ANK1: variants seen among roughly 807,000 people sequenced by gnomAD.
The protein encoded by ANK1 is ankyrin-1.
In ANK1, 51 loss-of-function variants were observed where a neutral mutation model predicts 210.4. The ratio of observed to expected loss-of-function variants is 0.24; its 90% CI spans 0.19 to 0.31. The LOEUF is 0.31. Ranked by LOEUF, ANK1 falls within the 10% of genes least tolerant of loss-of-function variation. The pLI is 1.00. For synonymous variants in ANK1, 967 were observed against 1,025.9 expected (o/e 0.94, Z 1.10); for missense variants, 2,051 against 2,504.4 (o/e 0.82, Z 3.86).
At position 41,699,479 on chromosome 8, in the gene ANK1, A is replaced by G; in HGVS notation, c.2531T>C (p.Leu844Pro). The part of the protein sequence containing the change: ...SRDVDEEKEL[L>P]DFVPKLDQVV... ...TTGGTCTAGCTTCGGCACAAAATCC[A>G]GCAGCTCCTTCTCTTCATCAACATC... The change falls in exon 23 of 43, where the codon CTG becomes CCG. Residue 844 changes from leucine (L) to proline (P), a missense_variant. Leu to Pro is a moderately conservative substitution (Grantham distance 98). This residue lies in a region of ANK1 where 1,413 missense variants were observed against 1,707.4 expected (regional missense o/e 0.83). Coordinates refer to ENST00000289734, the MANE Select transcript of ANK1 (RefSeq NM_000037.4). 6.2e-7 allele frequency: 1 copy of G among 1,614,158 alleles called. No individual in the cohort carries two copies. Among genetic ancestry groups the G allele is most frequent in the Non-Finnish European group, 8.5e-7 (1 of 1,180,040 alleles).
chr8:41,665,068 G>GC (rs1191729940), intron 39 of ANK1: 2 of 1,602,464 alleles, frequency 1.2e-6, no homozygotes, highest in African/African-American at 2.7e-5. Context: ...CAGGGCCCCG[G>GC]CCACCACGGG....
At position 41,717,652 on chromosome 8, in the gene ANK1, G is replaced by C. The variant is rs139550171; in HGVS notation, c.1257C>G (p.Ile419Met). 1 of 1,551,576 alleles carries C rather than the reference G, an allele frequency of 6.4e-7. No homozygotes were observed. Among genetic ancestry groups the C allele is most frequent in the East Asian group, 2.4e-5 (1 of 40,930 alleles). Residue 419 changes from isoleucine (I) to methionine (M), a missense_variant, in exon 12 of 43, where the codon ATC (isoleucine) becomes ATG (methionine). Coordinates refer to ENST00000289734, the MANE Select transcript of ANK1 (RefSeq NM_000037.4). ...CCCCCCGCTGCAGGAGGTTCTTCAC[G>C]ATGGGAAGGTGCCCCATGAAGGAGG... ...HVASFMGHLPIVKNLLQRGAS... is the reference protein window; with the variant it reads ...HVASFMGHLPMVKNLLQRGAS...
chr8:41,812,543 C>T (rs1802651727), intron 1 of ANK1, among the ~76,000 whole-genome samples: 1 of 152,210 alleles, frequency 6.6e-6, no homozygotes, highest in South Asian at 2.1e-4. Flanking sequence ...AAGATACTTT[C>T]ATTACTGTAG....
At chr8:41,721,656 C>CAAAAA (rs55653901) in intron 9 of ANK1, among the ~76,000 whole-genome samples, 6 of 108,122 alleles carry the variant, frequency 5.5e-5, no homozygotes, top group South Asian at 2.9e-4. Context: ...GACTTCATCT[C>CAAAAA]AAAAAAAAAA....
chr8:41,708,888 C>T lies in ANK1; in HGVS notation c.1888G>A (p.Ala630Thr), dbSNP rs760518133. Reference sequence around the variant, plus strand: ...GGCGTCACACCTTGCACCGACTCGGCGTTTGCTGAGCCCCCATACTGCAGC... The same window carrying T: ...GGCGTCACACCTTGCACCGACTCGGTGTTTGCTGAGCCCCCATACTGCAGC... Reference protein sequence around the residue: ...SLLQYGGSANAESVQGVTPLH... With the variant: ...SLLQYGGSANTESVQGVTPLH... Residue 630 changes from alanine (A) to threonine (T), a missense_variant, in exon 17 of 43, where the codon GCC becomes ACC. Coordinates refer to ENST00000289734, the MANE Select transcript of ANK1 (RefSeq NM_000037.4). The T allele has an allele frequency of 6.2e-5, 100 of 1,614,014 alleles. No individual in the cohort carries two copies. Among genetic ancestry groups the T allele is most frequent in the Non-Finnish European group, 7.9e-5 (93 of 1,180,050 alleles).
At chr8:41,710,313 G>C (rs888152051) in intron 16 of ANK1, among the ~76,000 whole-genome samples, 2 of 152,132 alleles carry the variant, frequency 1.3e-5, no homozygotes, top group Non-Finnish European at 2.9e-5. Flanking sequence ...TGGAGAAAGA[G>C]GCCAATTCTC....
intron 3 of ANK1, among the ~76,000 whole-genome samples, chr8:41,731,899 A>G (rs1266470027): frequency 6.6e-6 from 1 of 152,272 alleles, no homozygotes; most frequent in African/African-American, 2.4e-5. Context: ...CACAGCTCAC[A>G]GCCAGGTACG....
chr8:41,730,204 C>G (rs955897916), intron 3 of ANK1, among the ~76,000 whole-genome samples: 3 of 152,274 alleles, frequency 2.0e-5, no homozygotes, highest in African/African-American at 7.2e-5. Flanking sequence ...GCCCCCCAGC[C>G]GCTGCTGACC....
rs1184836721 is a variant in ANK1 at position 41,707,339 on chromosome 8, G to GGA, written c.1999-1100_1999-1099dup. On this transcript the variant is annotated intron_variant, in intron 17 of 42. Transcript: ENST00000289734. ...TGCCTCAATACACTTTGCTAGCGTG[G>GGA]GACCAACAAAACGGATTTCTCTGCA... 6.6e-5 allele frequency among the ~76,000 whole-genome samples: 10 copies of GGA among 152,228 alleles called. No homozygotes were observed. In the East Asian group the frequency reaches 1.9e-3, roughly 29 times the overall value.
chr8:41,827,616 C>T (rs1004336043), intron 1 of ANK1, among the ~76,000 whole-genome samples: 4 of 152,052 alleles, frequency 2.6e-5, no homozygotes, highest in Admixed American at 2.0e-4. Context: ...TTTACAAAGG[C>T]TATTTCTTCA....
intron 18 of ANK1, among the ~76,000 whole-genome samples, chr8:41,705,303 C>T (rs931581015): frequency 2.0e-5 from 3 of 152,222 alleles, no homozygotes; most frequent in Non-Finnish European, 2.9e-5. Flanking sequence ...TTCTAACCCA[C>T]AGGACAGGGT....
At chr8:41,860,756 A>G (rs2150817987) in intron 1 of ANK1, among the ~76,000 whole-genome samples, 1 of 152,362 alleles carries the variant, frequency 6.6e-6, no homozygotes, top group African/African-American at 2.4e-5. Flanking sequence ...ACAAGTCAAT[A>G]AGAACATTTC....
intron 3 of ANK1, among the ~76,000 whole-genome samples, chr8:41,731,710 A>AC (rs941496087): frequency 6.6e-6 from 1 of 151,556 alleles, no homozygotes; most frequent in African/African-American, 2.4e-5. Flanking sequence ...TTCCAAAGCC[A>AC]CGTTGGCTTA....
intron 37 of ANK1, among the ~76,000 whole-genome samples, chr8:41,681,966 C>G (rs1816198433): frequency 6.6e-6 from 1 of 152,178 alleles, no homozygotes; most frequent in Admixed American, 6.5e-5. Flanking sequence ...CACAGAGCAG[C>G]CAGGAAGCAC....
At chr8:41,815,277 CCT>C (rs1279255387) in intron 1 of ANK1, among the ~76,000 whole-genome samples, 2 of 151,922 alleles carry the variant, frequency 1.3e-5, no homozygotes, top group African/African-American at 4.8e-5. Context: ...AACACAGAAT[CCT>C]CTTTTTTTTA....
chr8:41,684,498 G>T (rs2150578111), intron 37 of ANK1, 46 bp downstream of exon 37: 1 of 1,610,504 alleles, frequency 6.2e-7, no homozygotes. Context: ...GATGCCTGTA[G>T]GGCAGGGCTC....
intron 38 of ANK1, among the ~76,000 whole-genome samples, chr8:41,671,895 C>T (rs939377393): frequency 8.8e-5 from 13 of 147,510 alleles, no homozygotes; most frequent in Admixed American, 3.4e-4. Context: ...TGAGTCCTCC[C>T]GGTGCCCCGA....
At chr8:41,815,083 G>C (rs115463554) in intron 1 of ANK1, among the ~76,000 whole-genome samples, 1,538 of 152,250 alleles carry the variant, frequency 0.01, 34 homozygotes, top group African/African-American at 0.034. Flanking sequence ...TTAAACATTT[G>C]ATTAAATAGG....
At chr8:41,853,997 AT>A (rs1395309450) in intron 1 of ANK1, among the ~76,000 whole-genome samples, 3 of 152,188 alleles carry the variant, frequency 2.0e-5, no homozygotes, top group Non-Finnish European at 4.4e-5. Context: ...CAACATGACC[AT>A]TTTCCTATGA....
Sources: allele counts gnomAD v4.1 joint callset (sites outside exome capture counted in the v4.1 genomes callset), GRCh38; gene constraint gnomAD v4.1.1; regional missense constraint gnomAD v4.1.1; transcripts MANE v1.5; gene names NCBI Gene and HGNC (gene_info 2026-07-23, HGNC 2026-07-21).